Variants in UAP1L1 observed in about 807,000 individuals in gnomAD.
UAP1L1 encodes the protein UDP-N-acetylhexosamine pyrophosphorylase-like protein 1.
UAP1L1 carries 45 observed loss-of-function variants against 45.3 expected under a neutral mutation model. That is an observed-to-expected ratio of 0.99 (90% CI 0.78 to 1.27). The LOEUF (loss-of-function observed/expected upper bound fraction) is 1.27. UAP1L1 is among the 50% of genes most tolerant of loss of function. The pLI is 0.00. For missense variants in UAP1L1, 667 were observed against 694.0 expected, an observed-to-expected ratio of 0.96 and a Z score of 0.44; for synonymous variants, 323 against 303.9, an observed-to-expected ratio of 1.06 and a Z score of -0.65.
Position 137,082,888 on chromosome 9 carries a change from C to G in UAP1L1, c.*159C>G, listed in dbSNP as rs1832814246. 1.6e-6 allele frequency: 1 copy of G among 614,232 alleles called. No homozygotes were observed. The highest frequency in any genetic ancestry group is 1.8e-5 in the African/African-American group (1 of 54,224). The allele number at this position is 614,232 out of a possible 1,614,324, so 38.0% of individuals were successfully genotyped here. A position where few individuals can be genotyped will look rare whatever the true frequency, so the allele number is the denominator to read the frequency against. ...AAAGCAGCCTGCCCCATGCTTCCAGCCTGCAGAACACAGAATGAAACATGC... is the reference window on the plus strand; with the variant it reads ...AAAGCAGCCTGCCCCATGCTTCCAGGCTGCAGAACACAGAATGAAACATGC... On this transcript the variant is annotated 3_prime_UTR_variant, in exon 9 of 9. Coordinates refer to ENST00000409858, the MANE Select transcript of UAP1L1 (RefSeq NM_207309.3). This position sits in a 1 kb window ranked among gnomAD's most constrained non-coding sequence, Gnocchi z 5.7.
At chr9:137,079,232 A>G (rs1324074238) in intron 4 of UAP1L1, 24 bp from the exon 5 acceptor site, 1 of 1,604,868 alleles carries the variant, frequency 6.2e-7, no homozygotes, top group Non-Finnish European at 8.5e-7. Context: ...AGCCCTCGGA[A>G]CCCATCCCTG....
At chr9:137,079,930 G>A in intron 5 of UAP1L1, 72 bp from the exon 6 acceptor site, 1 of 1,568,634 alleles carries the variant, frequency 6.4e-7, no homozygotes, top group South Asian at 1.1e-5. Context: ...GTGCTCAGAA[G>A]TGGGGACAGA....
rs1832719207 is a variant in UAP1L1, at chr9:137,077,983, T to C, written c.290-67T>C. 2 of 1,534,114 alleles carry C rather than the reference T, an allele frequency of 1.3e-6. No homozygotes were observed. The highest frequency in any genetic ancestry group is 1.7e-6 in the Non-Finnish European group (2 of 1,145,584). On this transcript the variant is annotated intron_variant, in intron 1 of 8. Transcript: ENST00000409858. This position sits in a 1 kb window ranked among gnomAD's most constrained non-coding sequence, Gnocchi z 4.7. ...GAGTCCTGGCGCCCCAGCCCCAGAGTTGGTTTCCCCTAAAGCGGAAGGGTG... is the reference window on the plus strand; with the variant it reads ...GAGTCCTGGCGCCCCAGCCCCAGAGCTGGTTTCCCCTAAAGCGGAAGGGTG...
intron 7 of UAP1L1, 86 bp downstream of exon 7, chr9:137,080,960 G>A (rs1449743223): frequency 5.3e-6 from 7 of 1,314,160 alleles, no homozygotes; most frequent in Middle Eastern, 5.4e-4. Context: ...TTGGCTCTGC[G>A]ACAGCCATGC....
intron 3 of UAP1L1, 26 bp from the exon 4 acceptor site, chr9:137,078,950 A>T: frequency 6.4e-7 from 1 of 1,566,482 alleles, no homozygotes. Context: ...AGCCCTCGCG[A>T]TGCCCATTCC....
intron 7 of UAP1L1, among the ~76,000 whole-genome samples, chr9:137,081,453 T>C (rs1312954538): frequency 6.6e-6 from 1 of 151,930 alleles, no homozygotes; most frequent in African/African-American, 2.4e-5. Flanking sequence ...ACCTGTGATC[T>C]GCCCGCCTCG....
Position 137,077,573 on chromosome 9 carries a change from C to T in UAP1L1, c.41C>T (p.Ala14Val), listed in dbSNP as rs1164546148. ...GACGTGCGCGCCCGGCTGCAGCGCG[C>T]TGGCCAGGAGCACCTCCTGCGCTTC... ...EQDVRARLQRAGQEHLLRFWA... is the reference protein window; with the variant it reads ...EQDVRARLQRVGQEHLLRFWA... The change falls in exon 1 of 9, where the codon GCT becomes GTT. Residue 14 changes from alanine to valine, a missense_variant. Ala to Val is a moderately conservative substitution (Grantham distance 64). Coordinates refer to ENST00000409858, the MANE Select transcript of UAP1L1 (RefSeq NM_207309.3). This position sits in a 1 kb window ranked among gnomAD's most constrained non-coding sequence, Gnocchi z 4.7. 3.6e-6 allele frequency: 5 copies of T among 1,395,980 alleles called. No individual in the cohort carries two copies. The South Asian group carries it at 4.1e-5, about 11-fold the overall frequency. The allele number at this position is 1,395,980 out of a possible 1,614,324, so 86.5% of individuals were successfully genotyped here. A position where few individuals can be genotyped will look rare whatever the true frequency, so the allele number is the denominator to read the frequency against.
At position 137,081,977 on chromosome 9, in the gene UAP1L1, TGACAAGTG is replaced by T. The variant is rs1832793950; in HGVS notation, c.1365-17_1365-10del. On this transcript the variant is annotated splice_polypyrimidine_tract_variant and intron_variant, in intron 7 of 8. Coordinates refer to ENST00000409858, the MANE Select transcript of UAP1L1 (RefSeq NM_207309.3). ...CTGGGCAGGTGCTGCAAGGAGATAT[TGACAAGTG>T]GACTTTCCCTAGCTTGCCCCCAAAT... 4 of 1,613,610 alleles carry T rather than the reference TGACAAGTG, an allele frequency of 2.5e-6. No individual in the cohort carries two copies. Among genetic ancestry groups the T allele is most frequent in the Non-Finnish European group, 3.4e-6 (4 of 1,179,714 alleles).
At chr9:137,080,175 T>C in intron 6 of UAP1L1, 33 bp downstream of exon 6, 3 of 1,610,328 alleles carry the variant, frequency 1.9e-6, no homozygotes, top group Non-Finnish European at 2.5e-6. Flanking sequence ...TTTCCCCTTC[T>C]TCCTTCTCTC....
At position 137,078,655 on chromosome 9, in the gene UAP1L1, A is replaced by G; in HGVS notation, c.648A>G (p.Lys216=). The G allele has an allele frequency of 6.2e-7, 1 of 1,612,608 alleles. No individual in the cohort carries two copies. The highest frequency in any genetic ancestry group is 8.5e-7 in the Non-Finnish European group (1 of 1,179,726). The change falls in exon 3 of 9, where the codon AAA becomes AAG. Residue 216 remains lysine (K), a synonymous_variant. Coordinates refer to ENST00000409858, the MANE Select transcript of UAP1L1 (RefSeq NM_207309.3). ...TFDGKVILER[K]DKVAMAPDGN... is the part of the protein sequence containing the mutation. ...ATGGCAAGGTTATCCTGGAGCGGAAAGACAAAGTTGCCATGGCCCCAGGTG... is the reference window on the plus strand; with the variant it reads ...ATGGCAAGGTTATCCTGGAGCGGAAGGACAAAGTTGCCATGGCCCCAGGTG...
In UAP1L1 at chr9:137,077,763, G is replaced by C. The variant is rs1160138457; in HGVS notation, c.231G>C (p.Glu77Asp). The C allele has an allele frequency of 3.1e-6, 4 of 1,279,298 alleles. No homozygotes were observed. The highest frequency in any genetic ancestry group is 3.9e-6 in the Non-Finnish European group (4 of 1,014,164). 79.2% of individuals were successfully genotyped at this position (1,279,298 alleles called of 1,614,324 possible). Residue 77 changes from glutamate (E) to aspartate (D), a missense_variant, in exon 1 of 9, where the codon GAG becomes GAC. Coordinates refer to ENST00000409858, the MANE Select transcript of UAP1L1 (RefSeq NM_207309.3). The surrounding 1 kb of genome is among the most constrained non-coding windows in gnomAD (Gnocchi z 4.7). ...CGCGCCTGCGGCCCCTGCCCCCAGA[G>C]CGCGTGGGCAGGGCCAGCCGCAGCG... The part of the protein sequence containing the change: ...LAARLRPLPP[E>D]RVGRASRSDP...
chr9:137,079,717 T>G (rs1467216400), intron 5 of UAP1L1: 2 of 582,654 alleles, frequency 3.4e-6, no homozygotes, highest in Non-Finnish European at 6.0e-6. Context: ...TCTGGGGACC[T>G]GCCCTGGTGC....
chr9:137,080,049 C>T lies in UAP1L1; in HGVS notation c.1085C>T (p.Pro362Leu), dbSNP rs754118426. The T allele has an allele frequency of 8.1e-6, 13 of 1,613,984 alleles. No individual in the cohort carries two copies. Among genetic ancestry groups the T allele is most frequent in the East Asian group, 2.2e-5 (1 of 44,894 alleles). ...LKPHVAVKKV[P>L]YVDEEGNLVK... ...CCACACGTGGCTGTGAAGAAGGTCC[C>T]GTATGTGGATGAGGAGGGGAATCTG... Residue 362 changes from proline (P) to leucine (L), a missense_variant, in exon 6 of 9, where the codon CCG (proline) becomes CTG (leucine). Transcript: ENST00000409858.
Position 137,078,541 on chromosome 9 carries a change from C to A in UAP1L1, c.534C>A (p.Ala178=). The change falls in exon 3 of 9, where the codon GCC becomes GCA. Residue 178 remains alanine (A), a synonymous_variant. Coordinates refer to ENST00000409858, the MANE Select transcript of UAP1L1 (RefSeq NM_207309.3). The part of the protein sequence containing the change: ...MTSEFTLGPT[A]EFFREHNFFH... ...GCGAGTTCACTCTGGGGCCCACGGCCGAGTTCTTCAGGGAGCACAACTTCT... is the reference window on the plus strand; with the variant it reads ...GCGAGTTCACTCTGGGGCCCACGGCAGAGTTCTTCAGGGAGCACAACTTCT... The A allele has an allele frequency of 6.2e-7, 1 of 1,613,168 alleles. No individual in the cohort carries two copies. The highest frequency in any genetic ancestry group is 1.1e-5 in the South Asian group (1 of 91,092).
In UAP1L1 at chr9:137,082,949, C is replaced by T; in HGVS notation, c.*220C>T. The T allele has an allele frequency of 1.9e-6, 1 of 539,558 alleles. No homozygotes were observed. Among genetic ancestry groups the T allele is most frequent in the Non-Finnish European group, 3.4e-6 (1 of 297,238 alleles). 33.4% of individuals were successfully genotyped at this position (539,558 alleles called of 1,614,324 possible). A position where few individuals can be genotyped will look rare whatever the true frequency, so the allele number is the denominator to read the frequency against. ...CACGAGGGCAGGGCCTCTCCTGTCG[C>T]CTCTGGACACAAGTGGCGACAGCCT... is the stretch of plus-strand genomic sequence containing the variant. On this transcript the variant is annotated 3_prime_UTR_variant, in exon 9 of 9. Transcript: ENST00000409858. This position sits in a 1 kb window ranked among gnomAD's most constrained non-coding sequence, Gnocchi z 5.7.
Position 137,077,980 on chromosome 9 carries a change from G to T in UAP1L1, c.290-70G>T. On this transcript the variant is annotated intron_variant, in intron 1 of 8. Coordinates refer to ENST00000409858, the MANE Select transcript of UAP1L1 (RefSeq NM_207309.3). This position sits in a 1 kb window ranked among gnomAD's most constrained non-coding sequence, Gnocchi z 4.7. ...CCCGAGTCCTGGCGCCCCAGCCCCAGAGTTGGTTTCCCCTAAAGCGGAAGG... is the reference window on the plus strand; with the variant it reads ...CCCGAGTCCTGGCGCCCCAGCCCCATAGTTGGTTTCCCCTAAAGCGGAAGG... 5 of 1,535,044 alleles carry T rather than the reference G, an allele frequency of 3.3e-6. No homozygotes were observed. The Admixed American group carries it at 5.9e-5, about 18-fold the overall frequency.
In UAP1L1 at chr9:137,078,609, T is replaced by C. The variant is rs376990949; in HGVS notation, c.602T>C (p.Leu201Pro). 2 of 1,613,022 alleles carry C rather than the reference T, an allele frequency of 1.2e-6. No homozygotes were observed. The highest frequency in any genetic ancestry group is 1.7e-5 in the Admixed American group (1 of 60,010). Residue 201 changes from leucine to proline, a missense_variant, in exon 3 of 9, where the codon CTG becomes CCG. Physicochemically the swap from Leu to Pro is moderately conservative, Grantham distance 98. Coordinates refer to ENST00000409858, the MANE Select transcript of UAP1L1 (RefSeq NM_207309.3). ...AACGTGGTCATGTTTGAGCAGCGCCTGCTGCCTGCTGTGACCTTTGATGGC... is the reference window on the plus strand; with the variant it reads ...AACGTGGTCATGTTTGAGCAGCGCCCGCTGCCTGCTGTGACCTTTGATGGC... ...PANVVMFEQRLLPAVTFDGKV... is the reference protein window; with the variant it reads ...PANVVMFEQRPLPAVTFDGKV...
At chr9:137,078,898 G>C in intron 3 of UAP1L1, 78 bp from the exon 4 acceptor site, 1 of 1,495,094 alleles carries the variant, frequency 6.7e-7, no homozygotes, top group Non-Finnish European at 8.9e-7. Context: ...GGCTTCCCCC[G>C]CCTCCAGCAC....
At chr9:137,079,178 C>A (rs1269879639) in intron 4 of UAP1L1, 30 bp downstream of exon 4, 3 of 1,594,354 alleles carry the variant, frequency 1.9e-6, no homozygotes, top group Non-Finnish European at 2.6e-6. Context: ...GCGCCCCGCA[C>A]CCGAGGCTGG....
Sources: gnomAD v4.1 joint callset for allele counts (sites outside exome capture counted in the v4.1 genomes callset) on GRCh38, gnomAD v4.1.1 for gene constraint, Gnocchi (gnomAD v3.1) non-coding constraint, MANE v1.5 for transcripts, NCBI Gene and HGNC (gene_info 2026-07-23, HGNC 2026-07-21) for gene names.